Variants in KALRN observed in about 807,000 individuals in gnomAD.
KALRN encodes the protein kalirin RhoGEF kinase.
A neutral mutation model predicts 353.7 loss-of-function variants in KALRN; 70 were observed. The observed-to-expected ratio is 0.20, with a 90% CI of 0.16 to 0.24. KALRN has a LOEUF of 0.24. Ranked by LOEUF, KALRN falls within the 10% of genes least tolerant of loss-of-function variation. The pLI, the probability that KALRN is intolerant of heterozygous loss-of-function variation, is 1.00. For synonymous variants in KALRN, 1,391 were observed against 1,434.8 expected, an observed-to-expected ratio of 0.97 and a Z score of 0.69; for missense variants, 2,791 against 3,756.7, an observed-to-expected ratio of 0.74 and a Z score of 6.72.
chr3:124,518,659 CCTT>C (rs767548308), intron 33 of KALRN: 27 of 1,445,016 alleles, frequency 1.9e-5, no homozygotes, highest in Non-Finnish European at 2.4e-5. Flanking sequence ...CTCGGGGCTC[CCTT>C]CTTCTCTACT....
intron 1 of KALRN, among the ~76,000 whole-genome samples, chr3:124,193,220 C>T (rs1247679593): frequency 6.6e-6 from 1 of 152,036 alleles, no homozygotes. Flanking sequence ...AGCGGAAAGC[C>T]CTGTTGGGAG....
At chr3:124,147,475 G>C (rs1218701749) in intron 1 of KALRN, among the ~76,000 whole-genome samples, 1 of 152,118 alleles carries the variant, frequency 6.6e-6, no homozygotes, top group East Asian at 1.9e-4. Context: ...CTTTTATTAG[G>C]TTTTGAATTG....
intron 51 of KALRN, among the ~76,000 whole-genome samples, chr3:124,692,941 C>G (rs910818200): frequency 3.3e-5 from 5 of 152,166 alleles, no homozygotes; most frequent in Non-Finnish European, 7.3e-5. Context: ...AAGTGACCAT[C>G]TCCTCAAGAA....
chr3:124,457,513 T>C (rs1248434543), intron 23 of KALRN, among the ~76,000 whole-genome samples: 3 of 152,266 alleles, frequency 2.0e-5, no homozygotes, highest in African/African-American at 7.2e-5. Context: ...TTTACCTTTC[T>C]GGAGTACATT....
chr3:124,694,215 G>T (rs916838940), intron 52 of KALRN, 117 bp from the exon 53 acceptor site: 2 of 990,274 alleles, frequency 2.0e-6, no homozygotes, highest in Non-Finnish European at 1.5e-6. Context: ...TATACTGAAG[G>T]TTATTTGAAT....
chr3:124,535,416 C>A (rs2068425006), intron 33 of KALRN, among the ~76,000 whole-genome samples: 2 of 152,106 alleles, frequency 1.3e-5, no homozygotes, highest in African/African-American at 4.8e-5. Context: ...TTAAGTTTTC[C>A]AAGAGTGCTA....
intron 5 of KALRN, among the ~76,000 whole-genome samples, chr3:124,295,444 C>G (rs1167865739): frequency 6.6e-6 from 1 of 152,204 alleles, no homozygotes; most frequent in Non-Finnish European, 1.5e-5. Flanking sequence ...TCAGCACTCT[C>G]AACTCTCACC....
chr3:124,596,910 T>C (rs2149411483), intron 34 of KALRN, among the ~76,000 whole-genome samples: 1 of 152,092 alleles, frequency 6.6e-6, no homozygotes, highest in African/African-American at 2.4e-5. Flanking sequence ...TAGCCAGGCA[T>C]TGGTGGTGCA....
At chr3:124,524,978 T>C (rs565215633) in intron 33 of KALRN, among the ~76,000 whole-genome samples, 5 of 152,360 alleles carry the variant, frequency 3.3e-5, no homozygotes, top group African/African-American at 7.2e-5. Context: ...CTTTTTTAGA[T>C]TGGGCTTCGT....
chr3:124,127,862 C>G (rs967909668), intron 1 of KALRN, among the ~76,000 whole-genome samples: 1 of 152,198 alleles, frequency 6.6e-6, no homozygotes, highest in Admixed American at 6.5e-5. Context: ...GCAGTTATTA[C>G]TATCACACAG....
chr3:124,141,094 G>C lies in KALRN; in HGVS notation c.74-86896G>C, dbSNP rs544652529. Among the ~76,000 whole-genome samples, 6 of 152,266 alleles carry C rather than the reference G, an allele frequency of 3.9e-5. No homozygotes were observed. The East Asian group carries it at 1.2e-3, about 29-fold the overall frequency. ...TTCAGCCCCCCAGTCACCAGGACTT[G>C]TCTGTTTGTCCTTGAAATACCCAGG... On this transcript the variant is annotated intron_variant, in intron 1 of 59. Coordinates refer to ENST00000682506, the MANE Select transcript of KALRN (RefSeq NM_001388419.1).
chr3:124,658,599 T>C (rs1367572709), intron 42 of KALRN, 82 bp downstream of exon 42: 5 of 1,017,388 alleles, frequency 4.9e-6, no homozygotes, highest in African/African-American at 4.7e-5. Flanking sequence ...CCAGACGTCA[T>C]CCATCCATAT....
intron 17 of KALRN, among the ~76,000 whole-genome samples, chr3:124,435,909 A>C (rs894542226): frequency 6.6e-6 from 1 of 152,266 alleles, no homozygotes; most frequent in East Asian, 1.9e-4. Context: ...TAGAAGAGCC[A>C]AAACGATTTT....
At chr3:124,626,035 C>T (rs1213680075) in intron 34 of KALRN, among the ~76,000 whole-genome samples, 1 of 152,006 alleles carries the variant, frequency 6.6e-6, no homozygotes, top group Admixed American at 6.6e-5. Flanking sequence ...GAGCTGAGAT[C>T]GCGCCATTGC....
chr3:124,292,960 A>C (rs571537152), intron 5 of KALRN, among the ~76,000 whole-genome samples: 1 of 152,262 alleles, frequency 6.6e-6, no homozygotes, highest in African/African-American at 2.4e-5. Flanking sequence ...CAATGATAAA[A>C]CTTGTCAAAG....
chr3:124,238,346 A>C (rs1436897428), intron 3 of KALRN, among the ~76,000 whole-genome samples: 1 of 152,208 alleles, frequency 6.6e-6, no homozygotes, highest in Non-Finnish European at 1.5e-5. Flanking sequence ...AATCAGGAGA[A>C]AGAACCTGCC....
intron 19 of KALRN, among the ~76,000 whole-genome samples, chr3:124,444,353 T>C (rs922532284): frequency 1.3e-5 from 2 of 152,226 alleles, no homozygotes; most frequent in Non-Finnish European, 2.9e-5. Context: ...AGGCCCTGCT[T>C]GTGTTTTATC....
At chr3:124,515,278 G>A (rs2066405281) in intron 33 of KALRN, among the ~76,000 whole-genome samples, 2 of 152,156 alleles carry the variant, frequency 1.3e-5, no homozygotes, top group African/African-American at 4.8e-5. Flanking sequence ...GAAGGAGTCT[G>A]TACATGAATA....
At chr3:124,223,344 A>T (rs1355131234) in intron 1 of KALRN, among the ~76,000 whole-genome samples, 1 of 152,108 alleles carries the variant, frequency 6.6e-6, no homozygotes, top group Non-Finnish European at 1.5e-5. Flanking sequence ...TGTAAGCCAG[A>T]TCTCTTTTAT....
Sources: gnomAD v4.1 joint callset for allele counts (sites outside exome capture counted in the v4.1 genomes callset) on GRCh38, gnomAD v4.1.1 for gene constraint, MANE v1.5 for transcripts, NCBI Gene and HGNC (gene_info 2026-07-23, HGNC 2026-07-21) for gene names.